The following TMEM62 variants were observed in gnomAD, a reference collection of about 807,000 sequenced individuals.
TMEM62 encodes transmembrane protein 62.
Under a neutral mutation model 70.4 loss-of-function variants are expected in TMEM62, and 41 were observed. That is an observed-to-expected ratio of 0.58 (90% CI 0.45 to 0.76). TMEM62 has a LOEUF of 0.76. Ranked by LOEUF, TMEM62 falls within the 30% of genes least tolerant of loss-of-function variation. TMEM62 has a pLI of 0.00. For missense variants in TMEM62, 688 were observed against 788.5 expected, an observed-to-expected ratio of 0.87 and a Z score of 1.53; for synonymous variants, 268 against 291.0, an observed-to-expected ratio of 0.92 and a Z score of 0.80.
intron 12 of TMEM62, chr15:43,180,978 A>G: frequency 1.9e-6 from 1 of 532,074 alleles, no homozygotes; most frequent in Non-Finnish European, 3.4e-6. Flanking sequence ...TACTAAGACA[A>G]TTTCACAATC....
intron 4 of TMEM62, 23 bp from the exon 5 acceptor site, chr15:43,146,470 C>T (rs1377157011): frequency 7.5e-6 from 12 of 1,595,594 alleles, no homozygotes; most frequent in African/African-American, 2.7e-5. Flanking sequence ...TACACTAACA[C>T]CCTCCTGTCT....
intron 4 of TMEM62, among the ~76,000 whole-genome samples, chr15:43,143,752 G>T (rs2036346969): frequency 6.6e-6 from 1 of 152,150 alleles, no homozygotes; most frequent in Admixed American, 6.5e-5. Flanking sequence ...AAAGGCAAGG[G>T]ATCTCTGAAT....
intron 5 of TMEM62, among the ~76,000 whole-genome samples, chr15:43,147,338 C>G (rs1427404054): frequency 6.6e-6 from 1 of 152,144 alleles, no homozygotes; most frequent in East Asian, 1.9e-4. Context: ...TTTGACAAGG[C>G]TAGGTGATTG....
intron 4 of TMEM62, among the ~76,000 whole-genome samples, chr15:43,143,362 G>A (rs555846190): frequency 5.9e-5 from 9 of 152,260 alleles, no homozygotes; most frequent in African/African-American, 1.7e-4. Flanking sequence ...ACGCCCAGCC[G>A]TAAACATAAC....
At chr15:43,144,210 G>T (rs1049140114) in intron 4 of TMEM62, among the ~76,000 whole-genome samples, 2 of 152,168 alleles carry the variant, frequency 1.3e-5, no homozygotes, top group Non-Finnish European at 2.9e-5. Flanking sequence ...AAAAAGATAG[G>T]TATGAAGAGA....
intron 10 of TMEM62, among the ~76,000 whole-genome samples, chr15:43,166,201 A>T (rs887247139): frequency 6.6e-6 from 1 of 152,246 alleles, no homozygotes; most frequent in Non-Finnish European, 1.5e-5. Context: ...GGGCTTGGGT[A>T]AGAACTGGGA....
intron 11 of TMEM62, among the ~76,000 whole-genome samples, chr15:43,176,161 A>G (rs540395838): frequency 1.2e-3 from 181 of 152,392 alleles, no homozygotes; most frequent in Non-Finnish European, 2.2e-3. Context: ...AGGCTTGCTT[A>G]GGTAAACAAA....
chr15:43,150,616 T>C (rs2037249369), intron 7 of TMEM62, among the ~76,000 whole-genome samples: 1 of 152,250 alleles, frequency 6.6e-6, no homozygotes, highest in South Asian at 2.1e-4. Context: ...TTAACACAAA[T>C]GTTTTTCATT....
intron 7 of TMEM62, among the ~76,000 whole-genome samples, chr15:43,150,836 A>C (rs1319117493): frequency 6.6e-6 from 1 of 152,230 alleles, no homozygotes; most frequent in Non-Finnish European, 1.5e-5. Context: ...AACTAGTCAC[A>C]TGGTCCCAAC....
intron 11 of TMEM62, among the ~76,000 whole-genome samples, chr15:43,171,614 C>CT (rs751979920): frequency 0.025 from 2,855 of 114,930 alleles, 82 homozygotes; most frequent in African/African-American, 0.061. Flanking sequence ...TTAATAAAAA[C>CT]TTTTTTTTTT....
At chr15:43,154,605 G>A in intron 8 of TMEM62, 67 bp from the exon 9 acceptor site, 1 of 1,436,276 alleles carries the variant, frequency 7.0e-7, no homozygotes, top group Non-Finnish European at 9.5e-7. Flanking sequence ...TTACAATAAG[G>A]TTATTCTCCT....
At chr15:43,184,174 T>G in intron 13 of TMEM62, 86 bp from the exon 14 acceptor site, 1 of 1,176,760 alleles carries the variant, frequency 8.5e-7, no homozygotes, top group Non-Finnish European at 1.2e-6. Context: ...GATAGCAGCA[T>G]AGTCTTAGGA....
At chr15:43,133,223 G>C (rs551905349), upstream of TMEM62, 1 of 152,386 alleles carries the variant, frequency 6.6e-6, no homozygotes, top group South Asian at 2.1e-4. Context: ...GGGAATGGTA[G>C]AGGGAAGGGG....
intron 3 of TMEM62, among the ~76,000 whole-genome samples, chr15:43,138,312 GTC>G (rs950003303): frequency 2.0e-5 from 3 of 152,288 alleles, no homozygotes; most frequent in African/African-American, 7.2e-5. Context: ...CAGGGGCTGA[GTC>G]TACCCTTTCC....
Position 43,133,810 on chromosome 15 carries a change from C to T in TMEM62, c.8C>T (p.Ala3Val). The T allele has an allele frequency of 7.1e-7, 1 of 1,411,664 alleles. No homozygotes were observed. Among genetic ancestry groups the T allele is most frequent in the Non-Finnish European group, 9.2e-7 (1 of 1,088,608 alleles). 87.4% of individuals were successfully genotyped at this position (1,411,664 alleles called of 1,614,324 possible). A position where few individuals can be genotyped will look rare whatever the true frequency, so the allele number is the denominator to read the frequency against. MA[A>V]VLALRVVAGL... ...CCCCGGCGGGCGGGCGGCATGGCTG[C>T]AGTGCTGGCTCTCAGGGTGGTCGCG... Residue 3 changes from alanine to valine, a missense_variant, in exon 1 of 14, where the codon GCA becomes GTA. Physicochemically the swap from Ala to Val is moderately conservative, Grantham distance 64. Transcript: ENST00000260403.
chr15:43,165,965 G>A (rs1194017110), intron 10 of TMEM62, among the ~76,000 whole-genome samples: 1 of 152,164 alleles, frequency 6.6e-6, no homozygotes, highest in Non-Finnish European at 1.5e-5. Flanking sequence ...GGATGTTCTT[G>A]AGGCTTGTGG....
At chr15:43,180,283 T>C (rs1333143876) in intron 12 of TMEM62, among the ~76,000 whole-genome samples, 2 of 152,136 alleles carry the variant, frequency 1.3e-5, no homozygotes, top group African/African-American at 4.8e-5. Flanking sequence ...CCACCACACC[T>C]GACTAATTTT....
At chr15:43,167,511 A>C (rs2141944061) in intron 10 of TMEM62, among the ~76,000 whole-genome samples, 2 of 147,670 alleles carry the variant, frequency 1.4e-5, no homozygotes, top group Middle Eastern at 7.2e-3. Context: ...GGCGCTCCCC[A>C]CATCTCAGAC....
chr15:43,180,963 G>A lies in TMEM62; in HGVS notation c.1487-218G>A, dbSNP rs938715525. ...AAGACACATATCTGTTCTAGGTATA[G>A]TGTCTACTAAGACAATTTCACAATC... On this transcript the variant is annotated intron_variant, in intron 12 of 13. Transcript: ENST00000260403. 5.7e-5 allele frequency: 28 copies of A among 492,758 alleles called. No homozygotes were observed. In the Middle Eastern group the frequency reaches 2.1e-3, roughly 38 times the overall value. 30.5% of individuals were successfully genotyped at this position (492,758 alleles called of 1,614,324 possible).
Sources: gnomAD v4.1 joint callset for allele counts (sites outside exome capture counted in the v4.1 genomes callset) on GRCh38, gnomAD v4.1.1 for gene constraint, MANE v1.5 for transcripts, NCBI Gene and HGNC (gene_info 2026-07-23, HGNC 2026-07-21) for gene names.